FAP: variants seen among roughly 807,000 people sequenced by gnomAD.
The protein encoded by FAP is prolyl endopeptidase FAP.
In FAP, 110 loss-of-function variants were observed where a neutral mutation model predicts 126.5. The observed-to-expected ratio is 0.87, with a 90% confidence interval of 0.74 to 1.02. The LOEUF (loss-of-function observed/expected upper bound fraction) is 1.02. Ranked by LOEUF, FAP falls within the 50% of genes least tolerant of loss-of-function variation. The probability of loss-of-function intolerance (pLI) is 0.00; values close to 1 mark genes in which losing one functional copy is unlikely to be tolerated. For missense variants in FAP, 919 were observed against 909.2 expected, an observed-to-expected ratio of 1.01 and a Z score of -0.14; for synonymous variants, 334 against 297.3, an observed-to-expected ratio of 1.12 and a Z score of -1.27.
At chr2:162,194,968 C>A (rs947470517) in intron 16 of FAP, 2 of 559,262 alleles carry the variant, frequency 3.6e-6, no homozygotes, top group Non-Finnish European at 6.4e-6. Flanking sequence ...TGAAAGAAGC[C>A]TTGCCTGTGC....
At chr2:162,207,242 A>T (rs1688738598) in intron 12 of FAP, among the ~76,000 whole-genome samples, 1 of 152,230 alleles carries the variant, frequency 6.6e-6, no homozygotes, top group Non-Finnish European at 1.5e-5. Flanking sequence ...GCATGTCAGA[A>T]CTTACAAAAG....
intron 12 of FAP, among the ~76,000 whole-genome samples, chr2:162,203,666 G>GA (rs1688585956): frequency 1.3e-5 from 2 of 152,132 alleles, no homozygotes; most frequent in Non-Finnish European, 1.5e-5. Context: ...GGACTTGAGA[G>GA]AAAAAAGTTG....
At chr2:162,230,655 CT>C (rs1689861508) in intron 2 of FAP, among the ~76,000 whole-genome samples, 1 of 151,246 alleles carries the variant, frequency 6.6e-6, no homozygotes, top group South Asian at 2.1e-4. Context: ...ACTCTTTTGC[CT>C]TCATTTAAAT....
intron 2 of FAP, among the ~76,000 whole-genome samples, chr2:162,237,981 T>C (rs1220457755): frequency 6.6e-6 from 1 of 152,176 alleles, no homozygotes; most frequent in Non-Finnish European, 1.5e-5. Context: ...AGTTTGTTGG[T>C]TGCATAAATG....
intron 17 of FAP, among the ~76,000 whole-genome samples, chr2:162,192,122 T>C (rs1350248939): frequency 6.6e-6 from 1 of 152,062 alleles, no homozygotes; most frequent in East Asian, 1.9e-4. Flanking sequence ...TAAACCTACA[T>C]CAATCTTTTA....
At chr2:162,199,862 A>G (rs1395509516) in intron 15 of FAP, among the ~76,000 whole-genome samples, 1 of 152,228 alleles carries the variant, frequency 6.6e-6, no homozygotes, top group Non-Finnish European at 1.5e-5. Flanking sequence ...GTATGTTAAC[A>G]TATGTCCCTA....
Position 162,214,080 on chromosome 2 carries a change from A to T in FAP, c.867-7T>A. On this transcript the variant is annotated splice_region_variant and splice_polypyrimidine_tract_variant and intron_variant, in intron 10 of 25. Coordinates refer to ENST00000188790, the MANE Select transcript of FAP (RefSeq NM_004460.5). ...CCAACTGAAATAATAATCACTGCAA[A>T]TAAAATAGAAACAGGTAGTCACAAC... The T allele has an allele frequency of 1.9e-6, 3 of 1,613,244 alleles. No homozygotes were observed. The highest frequency in any genetic ancestry group is 2.5e-6 in the Non-Finnish European group (3 of 1,179,686).
intron 8 of FAP, among the ~76,000 whole-genome samples, chr2:162,218,375 TA>T (rs1689239952): frequency 1.3e-5 from 2 of 152,148 alleles, no homozygotes; most frequent in South Asian, 4.1e-4. Flanking sequence ...ATCAGAAATG[TA>T]ATTTTTTAAA....
At chr2:162,240,816 T>A (rs2106308923) in intron 2 of FAP, among the ~76,000 whole-genome samples, 1 of 152,264 alleles carries the variant, frequency 6.6e-6, no homozygotes, top group South Asian at 2.1e-4. Context: ...CCTTCCTCCT[T>A]CCCTTTCCTG....
At chr2:162,233,391 A>C (rs1163220605) in intron 2 of FAP, among the ~76,000 whole-genome samples, 2 of 151,966 alleles carry the variant, frequency 1.3e-5, no homozygotes, top group Admixed American at 1.3e-4. Flanking sequence ...CACAATCTTT[A>C]GGCTTTAACG....
At chr2:162,211,171 A>T (rs1688919240) in intron 11 of FAP, among the ~76,000 whole-genome samples, 1 of 152,150 alleles carries the variant, frequency 6.6e-6, no homozygotes, top group Admixed American at 6.5e-5. Context: ...ATTACCCTTC[A>T]TTCTTTTCTC....
At chr2:162,198,080 G>A in intron 16 of FAP, 1 of 905,940 alleles carries the variant, frequency 1.1e-6, no homozygotes, top group Non-Finnish European at 1.5e-6. Context: ...AATTATATGG[G>A]TAGAAATTAT....
intron 21 of FAP, among the ~76,000 whole-genome samples, chr2:162,179,808 ATATATT>A (rs1323289149): frequency 6.7e-5 from 9 of 133,970 alleles, no homozygotes; most frequent in East Asian, 2.1e-4. Flanking sequence ...ATATATATAT[ATATATT>A]TTTTTTTTTT....
intron 6 of FAP, chr2:162,221,762 T>C (rs957361953): frequency 2.2e-6 from 1 of 456,454 alleles, no homozygotes; most frequent in Non-Finnish European, 4.4e-6. Flanking sequence ...GAGGATGCTT[T>C]ACAAAGGCGT....
chr2:162,205,433 C>G (rs1290356974), intron 12 of FAP, among the ~76,000 whole-genome samples: 3 of 152,142 alleles, frequency 2.0e-5, no homozygotes, highest in Non-Finnish European at 2.9e-5. Context: ...ATCCTTCTTT[C>G]ATTTCAGAAT....
chr2:162,218,139 C>T lies in FAP; in HGVS notation c.609G>A (p.Glu203=), dbSNP rs552917221. The stretch of plus-strand genomic sequence containing the variant: ...GAGCATATTTTGTAGCAAGCATTTC[C>T]TCTGAAAAATAAGTACTAGGATATT... ...FNGIPDWVYE[E]EMLATKYALW... The change falls in exon 9 of 26, where the codon GAG becomes GAA. Residue 203 remains glutamate, a splice_region_variant and synonymous_variant. Transcript: ENST00000188790. 101 of 1,594,076 alleles carry T rather than the reference C, an allele frequency of 6.3e-5. No individual in the cohort carries two copies. The East Asian group carries it at 2.2e-3, about 35-fold the overall frequency.
chr2:162,217,892 C>T, intron 9 of FAP, 94 bp downstream of exon 9: 1 of 941,514 alleles, frequency 1.1e-6, no homozygotes, highest in Non-Finnish European at 1.6e-6. Flanking sequence ...ATAAGAAGCT[C>T]TCCAAACTTG....
Position 162,173,718 on chromosome 2 carries a change from C to A in FAP, c.2034+5G>T. 6.4e-7 allele frequency: 1 copy of A among 1,574,384 alleles called. No homozygotes were observed. Among genetic ancestry groups the A allele is most frequent in the South Asian group, 1.1e-5 (1 of 89,736 alleles). On this transcript the variant is annotated splice_donor_5th_base_variant and intron_variant, in intron 23 of 25. Coordinates refer to ENST00000188790, the MANE Select transcript of FAP (RefSeq NM_004460.5). ...TATTAACCTAAATAAAATGGAAACACTTACCTTATAGTGCTCAAGATTATC... is the reference window on the plus strand; with the variant it reads ...TATTAACCTAAATAAAATGGAAACAATTACCTTATAGTGCTCAAGATTATC...
At chr2:162,239,892 C>G (rs948152436) in intron 2 of FAP, among the ~76,000 whole-genome samples, 2 of 152,144 alleles carry the variant, frequency 1.3e-5, no homozygotes, top group African/African-American at 4.8e-5. Context: ...TAGAATTTAC[C>G]TGCAAAATTC....
Sources: gnomAD v4.1 joint callset for allele counts (sites outside exome capture counted in the v4.1 genomes callset) on GRCh38, gnomAD v4.1.1 for gene constraint, MANE v1.5 for transcripts, NCBI Gene and HGNC (gene_info 2026-07-23, HGNC 2026-07-21) for gene names.